HIPK1: variants seen among roughly 807,000 people sequenced by gnomAD.
The protein encoded by HIPK1 is homeodomain interacting protein kinase 1.
Under a neutral mutation model 117.1 loss-of-function variants are expected in HIPK1, and 28 were observed. The ratio of observed to expected loss-of-function variants is 0.24; its 90% CI spans 0.18 to 0.33. HIPK1 has a LOEUF of 0.33. Among genes scored for constraint, HIPK1 ranks in the 10% least tolerant of loss-of-function variants. The pLI is 1.00. For missense variants in HIPK1, 1,122 were observed against 1,475.1 expected (o/e 0.76, Z 3.92); for synonymous variants, 605 against 562.5 (o/e 1.08, Z -1.07).
In HIPK1 at chr1:113,957,153, T is replaced by C; in HGVS notation, c.1622T>C (p.Ile541Thr). The C allele has an allele frequency of 1.2e-6, 2 of 1,613,780 alleles. No individual in the cohort carries two copies. The highest frequency in any genetic ancestry group is 1.7e-6 in the Non-Finnish European group (2 of 1,179,712). ...AAGTCTTGTTTTCAGAACATGGAGA[T>C]CTGCAAGCGGAGGGTTCACATGTAT... ...HVKSCFQNME[I>T]CKRRVHMYDT... Residue 541 changes from isoleucine to threonine, a missense_variant, in exon 7 of 16, where the codon ATC becomes ACC. This residue lies in a region of HIPK1 where 731 missense variants were observed against 860.4 expected (regional missense o/e 0.85). Coordinates refer to ENST00000426820, the MANE Select transcript of HIPK1 (RefSeq NM_198268.3).
In HIPK1 at chr1:113,963,491, G is replaced by GGCGCTGGTTGAACAGACTGCC. The variant is rs745650854; in HGVS notation, c.2211_2231dup (p.Leu738_Ala744dup). 1 of 1,614,130 alleles carries GGCGCTGGTTGAACAGACTGCC rather than the reference G, an allele frequency of 6.2e-7. No homozygotes were observed. The highest frequency in any genetic ancestry group is 8.5e-7 in the Non-Finnish European group (1 of 1,180,010). Reference sequence around the variant, plus strand: ...CTCTGAGCTGCGCAGCCGGCCGGCCGGCGCTGGTTGAACAGACTGCCGCTG... The same window carrying GGCGCTGGTTGAACAGACTGCC: ...CTCTGAGCTGCGCAGCCGGCCGGCCGGCGCTGGTTGAACAGACTGCCGCGCTGGTTGAACAGACTGCCGCTG... On this transcript the variant is annotated inframe_insertion, in exon 10 of 16. Coordinates refer to ENST00000426820, the MANE Select transcript of HIPK1 (RefSeq NM_198268.3).
intron 8 of HIPK1, among the ~76,000 whole-genome samples, chr1:113,958,600 A>G (rs1454934220): frequency 6.6e-6 from 1 of 152,226 alleles, no homozygotes; most frequent in African/African-American, 2.4e-5. Context: ...GTATCTGTCA[A>G]TATGCAAAAT....
At position 113,958,462 on chromosome 1, in the gene HIPK1, T is replaced by G. The variant is rs74442247; in HGVS notation, c.1981+171T>G. The stretch of plus-strand genomic sequence containing the variant: ...GATTTTCTCTTTTTACATAGGCTAT[T>G]TATCTAATTATGATGCTATCTGATG... On this transcript the variant is annotated intron_variant, in intron 8 of 15. Transcript: ENST00000426820. 7.9e-5 allele frequency among the ~76,000 whole-genome samples: 12 copies of G among 152,354 alleles called. No homozygotes were observed. In the East Asian group the frequency reaches 2.1e-3, roughly 27 times the overall value.
rs532099413 is a variant in HIPK1, at chr1:113,935,085, T to C, written c.-2-5297T>C. Reference sequence around the variant, plus strand: ...GTGCTGGTTTGTTATATAGGTAATCTATATGTCACAGGGGTTTGGTGTACA... The same window carrying C: ...GTGCTGGTTTGTTATATAGGTAATCCATATGTCACAGGGGTTTGGTGTACA... On this transcript the variant is annotated intron_variant, in intron 1 of 15. Transcript: ENST00000426820. Among the ~76,000 whole-genome samples the C allele has an allele frequency of 8.0e-4, 121 of 151,654 alleles. 2 individuals are homozygous for C. The highest frequency in any genetic ancestry group is 2.8e-3 in the African/African-American group (117 of 41,390).
Position 113,962,317 on chromosome 1 carries a change from C to T in HIPK1, c.1982C>T (p.Thr661Ile). 1 of 1,613,112 alleles carries T rather than the reference C, an allele frequency of 6.2e-7. No individual in the cohort carries two copies. ...TTAACTGTGATGCTGTTTTCAATAG[C>T]TGGACTACAAGCAACAACAAAGCAT... Reference protein sequence around the residue: ...TFIVCPPAFQTGLQATTKHSG... With the variant: ...TFIVCPPAFQIGLQATTKHSG... Residue 661 changes from threonine to isoleucine, a missense_variant and splice_region_variant, in exon 9 of 16, where the codon ACT (threonine) becomes ATT (isoleucine). Physicochemically the swap from Thr to Ile is moderately conservative, Grantham distance 89. Transcript: ENST00000426820.
In HIPK1 at chr1:113,973,021, CAGAA is replaced by C; in HGVS notation, c.3145-2_3146del. ...TTCCTCACTTCTTCCTTCTTTCTTC[CAGAA>C]CCAGCAGTCATCGGCGGCTCCAACC... On this transcript the variant is annotated splice_acceptor_variant and coding_sequence_variant, in exon 16 of 16. Transcript: ENST00000426820. LOFTEE classifies it high-confidence loss of function. 1 of 1,512,256 alleles carries C rather than the reference CAGAA, an allele frequency of 6.6e-7. No homozygotes were observed. Among genetic ancestry groups the C allele is most frequent in the East Asian group, 2.3e-5 (1 of 43,858 alleles). 93.7% of individuals were successfully genotyped at this position (1,512,256 alleles called of 1,614,324 possible). A position where few individuals can be genotyped will look rare whatever the true frequency, so the allele number is the denominator to read the frequency against.
At chr1:113,934,096 C>G (rs1047343090) in intron 1 of HIPK1, among the ~76,000 whole-genome samples, 2 of 152,130 alleles carry the variant, frequency 1.3e-5, no homozygotes, top group Admixed American at 6.6e-5. Context: ...TACCTGTGTT[C>G]ATGTCATCTG....
At chr1:113,957,338 T>A in intron 7 of HIPK1, 52 bp downstream of exon 7, 1 of 1,458,128 alleles carries the variant, frequency 6.9e-7, no homozygotes, top group Non-Finnish European at 9.5e-7. Context: ...TAGAAACTAG[T>A]AAGAATACAG....
chr1:113,943,305 A>G (rs1670771321), intron 2 of HIPK1, among the ~76,000 whole-genome samples: 1 of 152,100 alleles, frequency 6.6e-6, no homozygotes, highest in Non-Finnish European at 1.5e-5. Flanking sequence ...TCTTCCTACC[A>G]CTGGTAATCT....
chr1:113,929,730 GGGAA>G, intron 1 of HIPK1, 198 bp downstream of exon 1: 1 of 868,984 alleles, frequency 1.2e-6, no homozygotes, highest in Non-Finnish European at 1.4e-6. Flanking sequence ...CGGCGGCGGC[GGGAA>G]GGGGCTGGGT....
At chr1:113,963,840 A>G (rs1672283629) in intron 10 of HIPK1, among the ~76,000 whole-genome samples, 1 of 152,202 alleles carries the variant, frequency 6.6e-6, no homozygotes, top group Non-Finnish European at 1.5e-5. Flanking sequence ...ATGTAGCCTC[A>G]GAAGAGCTTC....
At chr1:113,943,944 A>C (rs1008093661) in intron 2 of HIPK1, among the ~76,000 whole-genome samples, 1 of 152,152 alleles carries the variant, frequency 6.6e-6, no homozygotes, top group Non-Finnish European at 1.5e-5. Flanking sequence ...CCTCCCAAGT[A>C]GCTAGGACTG....
chr1:113,950,013 C>T (rs896454122), intron 2 of HIPK1, among the ~76,000 whole-genome samples: 5 of 152,108 alleles, frequency 3.3e-5, no homozygotes, highest in South Asian at 2.1e-4. Context: ...AGGCCTGGGT[C>T]GACTGCTATT....
At position 113,952,730 on chromosome 1, in the gene HIPK1, T is replaced by TG. The variant is rs762257294; in HGVS notation, c.1077-36_1077-35insG. 3.2e-5 allele frequency: 44 copies of TG among 1,391,134 alleles called. No homozygotes were observed. The South Asian group carries it at 3.3e-4, about 10-fold the overall frequency. 86.2% of individuals were successfully genotyped at this position (1,391,134 alleles called of 1,614,324 possible). On this transcript the variant is annotated intron_variant, in intron 2 of 15. Transcript: ENST00000426820. Reference sequence around the variant, plus strand: ...TAGTTAATTTTCCCAAATAATGTTTTTTTTTTTTTAATCTGATATTTTTTG... The same window carrying TG: ...TAGTTAATTTTCCCAAATAATGTTTTGTTTTTTTTTAATCTGATATTTTTTG...
chr1:113,940,304 G>A, intron 1 of HIPK1, 78 bp from the exon 2 acceptor site: 1 of 1,209,956 alleles, frequency 8.3e-7, no homozygotes, highest in Non-Finnish European at 1.2e-6. Flanking sequence ...AAAAGTGTGT[G>A]TGTGTGTTTG....
In HIPK1 at chr1:113,952,791, C is replaced by G; in HGVS notation, c.1102C>G (p.Pro368Ala). 1 of 1,490,062 alleles carries G rather than the reference C, an allele frequency of 6.7e-7. No homozygotes were observed. The highest frequency in any genetic ancestry group is 9.0e-7 in the Non-Finnish European group (1 of 1,116,688). The allele number at this position is 1,490,062 out of a possible 1,614,324, so 92.3% of individuals were successfully genotyped here. ...AGCTCCTGAAATTATTCTTGGGTTA[C>G]CATTTTGTGAAGCTATTGATATGTG... The part of the protein sequence containing the change: ...YRAPEIILGL[P>A]FCEAIDMWSL... The change falls in exon 3 of 16, where the codon CCA (proline) becomes GCA (alanine). Residue 368 changes from proline to alanine, a missense_variant. Around this residue, in one of 6 missense-constraint regions of HIPK1, gnomAD observed 127 missense variants for 197.9 expected, o/e 0.64. Transcript: ENST00000426820.
At chr1:113,956,885 A>T in intron 6 of HIPK1, 74 bp downstream of exon 6, 1 of 1,332,278 alleles carries the variant, frequency 7.5e-7, no homozygotes, top group Non-Finnish European at 1.1e-6. Flanking sequence ...TGGCACTATC[A>T]AATGAGCCCG....
chr1:113,953,292 TTTCTTCAGACTGAAACACTTCA>T (rs1351680459), intron 3 of HIPK1, among the ~76,000 whole-genome samples: 19 of 152,312 alleles, frequency 1.2e-4, no homozygotes, highest in Admixed American at 5.9e-4. Context: ...ACTGAAGTAC[TTTCTTCAGACTGAAACACTTCA>T]GGTCCCAGAA....
At chr1:113,966,970 A>G (rs1253753151) in intron 11 of HIPK1, among the ~76,000 whole-genome samples, 1 of 152,106 alleles carries the variant, frequency 6.6e-6, no homozygotes, top group Non-Finnish European at 1.5e-5. Flanking sequence ...GATCCCATAA[A>G]TAAGTGAGAA....
Sources: allele counts gnomAD v4.1 joint callset (sites outside exome capture counted in the v4.1 genomes callset), GRCh38; gene constraint gnomAD v4.1.1; regional missense constraint gnomAD v4.1.1; transcripts MANE v1.5; gene names NCBI Gene and HGNC (gene_info 2026-07-23, HGNC 2026-07-21).